PTGFRN: variants seen among roughly 807,000 people sequenced by gnomAD.
PTGFRN encodes prostaglandin F2 receptor inhibitor.
A neutral mutation model predicts 83.2 loss-of-function variants in PTGFRN; 35 were observed. The ratio of observed to expected loss-of-function variants is 0.42; its 90% CI spans 0.32 to 0.56. PTGFRN has a LOEUF of 0.56. Ranked by LOEUF, PTGFRN falls within the 20% of genes least tolerant of loss-of-function variation. PTGFRN has a pLI of 0.11. For missense variants in PTGFRN, 1,051 were observed against 1,179.5 expected, an observed-to-expected ratio of 0.89 and a Z score of 1.60; for synonymous variants, 519 against 498.6, an observed-to-expected ratio of 1.04 and a Z score of -0.55.
chr1:116,955,488 C>A (rs1301095605), intron 4 of PTGFRN, among the ~76,000 whole-genome samples: 14 of 152,170 alleles, frequency 9.2e-5, no homozygotes, highest in Admixed American at 2.6e-4. Flanking sequence ...CACACAAAAA[C>A]ACACACTTTT....
chr1:116,955,833 T>C (rs1019030041), intron 4 of PTGFRN, among the ~76,000 whole-genome samples: 1 of 152,132 alleles, frequency 6.6e-6, no homozygotes, highest in Admixed American at 6.5e-5. Context: ...CCATAAGACA[T>C]ACATACGAAT....
At chr1:116,972,844 A>T (rs1651043594) in intron 6 of PTGFRN, among the ~76,000 whole-genome samples, 1 of 152,270 alleles carries the variant, frequency 6.6e-6, no homozygotes, top group Admixed American at 6.5e-5. Context: ...TTCATAAGTG[A>T]GTTAAAAATA....
At position 116,984,687 on chromosome 1, in the gene PTGFRN, G is replaced by A; in HGVS notation, c.2175G>A (p.Met725Ile). 2 of 1,613,436 alleles carry A rather than the reference G, an allele frequency of 1.2e-6. No homozygotes were observed. The highest frequency in any genetic ancestry group is 2.2e-5 in the South Asian group (2 of 91,042). The change falls in exon 8 of 9, where the codon ATG becomes ATA. Residue 725 changes from methionine to isoleucine, a missense_variant. Met to Ile is a conservative substitution (Grantham distance 10, BLOSUM62 1). Transcript: ENST00000393203. ...TGGCTTGGTAATCCGTAGATGACAT[G>A]GCCTTTGATGTGTCCTGGTTTGCGG... is the stretch of plus-strand genomic sequence containing the variant. The part of the protein sequence containing the change: ...VEGAALDPDD[M>I]AFDVSWFAVH...
In PTGFRN at chr1:116,910,082, G is replaced by A. The variant is rs1649218322; in HGVS notation, c.-122G>A. 3.7e-6 allele frequency: 4 copies of A among 1,091,376 alleles called. No individual in the cohort carries two copies. The Admixed American group carries it at 6.1e-5, about 17-fold the overall frequency. The allele number at this position is 1,091,376 out of a possible 1,614,324, so 67.6% of individuals were successfully genotyped here. On this transcript the variant is annotated 5_prime_UTR_variant, in exon 1 of 9. Coordinates refer to ENST00000393203, the MANE Select transcript of PTGFRN (RefSeq NM_020440.4). The stretch of plus-strand genomic sequence containing the variant: ...GATTTATCGGCTCGCGAGGAGAGCG[G>A]AGCAGGCGCGCGGCCCAGGCGGAGG...
At position 116,918,279 on chromosome 1, in the gene PTGFRN, TG is replaced by T. The variant is rs1649456720; in HGVS notation, c.49+8029del. ...TCCTGTCTTCCCTCAGTGTGAACCT[TG>T]GACAGGTTTTCTAACCTCTTTGAAT... On this transcript the variant is annotated intron_variant, in intron 1 of 8. Transcript: ENST00000393203. This position sits in a 1 kb window ranked among gnomAD's most constrained non-coding sequence, Gnocchi z 4.1. Among the ~76,000 whole-genome samples the T allele has an allele frequency of 6.6e-6, 1 of 152,250 alleles. No homozygotes were observed. The highest frequency in any genetic ancestry group is 1.5e-5 in the Non-Finnish European group (1 of 68,046).
intron 1 of PTGFRN, among the ~76,000 whole-genome samples, chr1:116,927,250 C>T (rs1649680300): frequency 6.6e-6 from 1 of 152,198 alleles, no homozygotes; most frequent in African/African-American, 2.4e-5. Flanking sequence ...TAACCTGGAA[C>T]TACACAGATA....
chr1:116,950,072 C>T (rs1259395917), intron 4 of PTGFRN, among the ~76,000 whole-genome samples: 6 of 152,118 alleles, frequency 3.9e-5, no homozygotes, highest in African/African-American at 9.7e-5. Flanking sequence ...CTAAAGGGCC[C>T]GCCTGCTTCT....
At position 116,918,804 on chromosome 1, in the gene PTGFRN, A is replaced by G. The variant is rs367921386; in HGVS notation, c.49+8552A>G. ...TTGGCAGCCTAGGAGGGACAGCATC[A>G]TGTGGTCTCTCCATGGAATGAGAGT... On this transcript the variant is annotated intron_variant, in intron 1 of 8. Transcript: ENST00000393203. This position sits in a 1 kb window ranked among gnomAD's most constrained non-coding sequence, Gnocchi z 4.1. Among the ~76,000 whole-genome samples, 13 of 152,350 alleles carry G rather than the reference A, an allele frequency of 8.5e-5. No individual in the cohort carries two copies. In the East Asian group the frequency reaches 1.9e-3, roughly 23 times the overall value.
At chr1:116,919,330 T>C (rs759882901) in intron 1 of PTGFRN, among the ~76,000 whole-genome samples, 1 of 152,192 alleles carries the variant, frequency 6.6e-6, no homozygotes, top group Admixed American at 6.5e-5. Flanking sequence ...ATGAGGGTTC[T>C]TTCCTTCCCA....
Position 116,966,849 on chromosome 1 carries a change from A to T in PTGFRN, c.1640-62A>T. The T allele has an allele frequency of 2.0e-6, 3 of 1,487,822 alleles. No homozygotes were observed. The South Asian group carries it at 4.1e-5, about 20-fold the overall frequency. 92.2% of individuals were successfully genotyped at this position (1,487,822 alleles called of 1,614,324 possible). On this transcript the variant is annotated intron_variant, in intron 5 of 8. Coordinates refer to ENST00000393203, the MANE Select transcript of PTGFRN (RefSeq NM_020440.4). The stretch of plus-strand genomic sequence containing the variant: ...TCTGTTTCTTGGTTATTTTGCTTTT[A>T]GTTGCATTTTTATTTTAACTGATCT...
At chr1:116,970,924 T>A (rs1650977499) in intron 6 of PTGFRN, among the ~76,000 whole-genome samples, 1 of 152,242 alleles carries the variant, frequency 6.6e-6, no homozygotes, top group Admixed American at 6.5e-5. Flanking sequence ...GTTTTACTGA[T>A]TCAAAGTGTC....
At chr1:116,965,691 T>G (rs1650809683) in intron 5 of PTGFRN, among the ~76,000 whole-genome samples, 1 of 152,230 alleles carries the variant, frequency 6.6e-6, no homozygotes, top group South Asian at 2.1e-4. Flanking sequence ...ACGCTTTTTC[T>G]CTTCCTTGGC....
chr1:116,921,851 T>G (rs867603490), intron 1 of PTGFRN, among the ~76,000 whole-genome samples: 43 of 152,240 alleles, frequency 2.8e-4, no homozygotes, highest in African/African-American at 1.0e-3. Flanking sequence ...GGGGCTGTTA[T>G]TATTGAAAAG....
At chr1:116,922,830 C>T (rs1649571303) in intron 1 of PTGFRN, among the ~76,000 whole-genome samples, 1 of 152,130 alleles carries the variant, frequency 6.6e-6, no homozygotes, top group African/African-American at 2.4e-5. Context: ...CCCAAGTACC[C>T]CTCCCACCAG....
chr1:116,975,166 G>A (rs751833558), intron 7 of PTGFRN, among the ~76,000 whole-genome samples: 8 of 152,318 alleles, frequency 5.3e-5, no homozygotes, highest in African/African-American at 1.2e-4. Context: ...AGGTGGCAGC[G>A]AGGCTGGGGG....
chr1:116,982,359 G>A (rs1046636925), intron 7 of PTGFRN, among the ~76,000 whole-genome samples: 1 of 152,104 alleles, frequency 6.6e-6, no homozygotes, highest in African/African-American at 2.4e-5. Flanking sequence ...TGGACTGTGT[G>A]GATGGAAGAT....
chr1:116,931,990 T>C (rs143504876), intron 1 of PTGFRN, among the ~76,000 whole-genome samples: 140 of 152,352 alleles, frequency 9.2e-4, no homozygotes, highest in African/African-American at 3.2e-3. Flanking sequence ...CTGATACTTA[T>C]CTTACAAATG....
intron 1 of PTGFRN, among the ~76,000 whole-genome samples, chr1:116,920,875 C>G (rs187610446): frequency 6.6e-6 from 1 of 152,196 alleles, no homozygotes; most frequent in African/African-American, 2.4e-5. Flanking sequence ...CCACCTGCCT[C>G]AGCCTCCCAA....
chr1:116,969,847 C>T (rs1650941685), intron 6 of PTGFRN, among the ~76,000 whole-genome samples: 1 of 151,998 alleles, frequency 6.6e-6, no homozygotes, highest in Non-Finnish European at 1.5e-5. Context: ...CTTTTTGATG[C>T]TATTGTAAAT....
Sources: gnomAD v4.1 joint callset for allele counts (sites outside exome capture counted in the v4.1 genomes callset) on GRCh38, gnomAD v4.1.1 for gene constraint, Gnocchi (gnomAD v3.1) non-coding constraint, MANE v1.5 for transcripts, NCBI Gene and HGNC (gene_info 2026-07-23, HGNC 2026-07-21) for gene names.